CPQ: variants seen among roughly 807,000 people sequenced by gnomAD.
CPQ encodes carboxypeptidase Q.
A neutral mutation model predicts 45.7 loss-of-function variants in CPQ; 37 were observed. The ratio of observed to expected loss-of-function variants is 0.81; its 90% CI spans 0.62 to 1.07. The LOEUF is 1.07. CPQ is among the 50% of genes least tolerant of loss of function. CPQ has a pLI of 0.00. For synonymous variants in CPQ, 186 were observed against 205.8 expected, an observed-to-expected ratio of 0.90 and a Z score of 0.82; for missense variants, 537 against 572.9, an observed-to-expected ratio of 0.94 and a Z score of 0.64.
chr8:97,042,364 ATTC>A (rs1421842255), intron 6 of CPQ, among the ~76,000 whole-genome samples: 2 of 150,330 alleles, frequency 1.3e-5, no homozygotes, highest in African/African-American at 4.9e-5. Context: ...TGTCTATTTG[ATTC>A]TTCTCTCTTT....
chr8:97,013,638 C>T lies in CPQ; in HGVS notation c.962-15765C>T, dbSNP rs375612444. Among the ~76,000 whole-genome samples the T allele has an allele frequency of 1.1e-4, 17 of 152,204 alleles. No homozygotes were observed. In the East Asian group the frequency reaches 2.9e-3, roughly 26 times the overall value. ...GAAAAAGAAAGGACAAACCAGATGG[C>T]ATAAATGGTGTGAGGAAAATCACAG... On this transcript the variant is annotated intron_variant, in intron 5 of 7. Transcript: ENST00000220763.
intron 1 of CPQ, among the ~76,000 whole-genome samples, chr8:96,695,633 C>T (rs1379694430): frequency 3.2e-4 from 48 of 151,960 alleles, no homozygotes; most frequent in African/African-American, 1.1e-3. Flanking sequence ...GGGCAAAGGA[C>T]ATGAACAGAC....
intron 7 of CPQ, among the ~76,000 whole-genome samples, chr8:97,070,084 C>G (rs1810714027): frequency 6.6e-6 from 1 of 152,088 alleles, no homozygotes; most frequent in Non-Finnish European, 1.5e-5. Flanking sequence ...TTAAAAGTAT[C>G]TTGGATGTAC....
intron 1 of CPQ, among the ~76,000 whole-genome samples, chr8:96,673,542 A>T (rs1428184901): frequency 6.6e-6 from 1 of 152,096 alleles, no homozygotes; most frequent in Non-Finnish European, 1.5e-5. Flanking sequence ...TTGTAAAGGG[A>T]GTAGCCTCTG....
chr8:96,962,537 A>G (rs1008751870), intron 4 of CPQ, among the ~76,000 whole-genome samples: 1 of 152,220 alleles, frequency 6.6e-6, no homozygotes, highest in Non-Finnish European at 1.5e-5. Context: ...ATGAAACTGC[A>G]GTTTACTGCA....
In CPQ at chr8:96,943,595, C is replaced by A. The variant is rs1813150819; in HGVS notation, c.850-22340C>A. Among the ~76,000 whole-genome samples the A allele has an allele frequency of 3.9e-5, 6 of 152,218 alleles. No individual in the cohort carries two copies. The South Asian group carries it at 1.2e-3, about 32-fold the overall frequency. On this transcript the variant is annotated intron_variant, in intron 4 of 7. Transcript: ENST00000220763. ...ATAATGTTGCACAGCAAGAAAGTAG[C>A]AGGCTGGTCCTCTTGGTTTATTTAA...
intron 1 of CPQ, among the ~76,000 whole-genome samples, chr8:96,690,152 A>G (rs1344270048): frequency 6.6e-6 from 1 of 152,036 alleles, no homozygotes; most frequent in Non-Finnish European, 1.5e-5. Context: ...TTATATCATT[A>G]TATTTGGTCA....
chr8:97,135,061 A>C (rs1812027418), intron 7 of CPQ, among the ~76,000 whole-genome samples: 1 of 152,200 alleles, frequency 6.6e-6, no homozygotes, highest in Admixed American at 6.5e-5. Context: ...CTGCAAGTCC[A>C]CCAGAGGTGT....
intron 1 of CPQ, among the ~76,000 whole-genome samples, chr8:96,744,564 T>A (rs1006949290): frequency 2.2e-4 from 33 of 152,256 alleles, no homozygotes; most frequent in Non-Finnish European, 7.3e-5. Flanking sequence ...TATGTAGTCA[T>A]CTTTTTTTAT....
At chr8:96,701,113 G>T (rs1254249983) in intron 1 of CPQ, among the ~76,000 whole-genome samples, 1 of 152,152 alleles carries the variant, frequency 6.6e-6, no homozygotes, top group Non-Finnish European at 1.5e-5. Flanking sequence ...CAATAACCTG[G>T]TTATATACAA....
intron 1 of CPQ, among the ~76,000 whole-genome samples, chr8:96,758,072 AT>A (rs1284397021): frequency 6.6e-6 from 1 of 152,214 alleles, no homozygotes; most frequent in Non-Finnish European, 1.5e-5. Flanking sequence ...GTTACATGTA[AT>A]TTGAAGTTGT....
At chr8:97,095,893 A>G (rs1026744058) in intron 7 of CPQ, among the ~76,000 whole-genome samples, 3 of 152,192 alleles carry the variant, frequency 2.0e-5, no homozygotes, top group African/African-American at 4.8e-5. Context: ...TAATCATACT[A>G]TATCATAGTT....
At chr8:96,860,353 T>G (rs1811909988) in intron 3 of CPQ, among the ~76,000 whole-genome samples, 1 of 152,210 alleles carries the variant, frequency 6.6e-6, no homozygotes, top group African/African-American at 2.4e-5. Context: ...TTGAAAAGCT[T>G]AGCTATTATT....
chr8:97,105,684 T>G (rs1004090249), intron 7 of CPQ, among the ~76,000 whole-genome samples: 1 of 152,186 alleles, frequency 6.6e-6, no homozygotes, highest in East Asian at 1.9e-4. Context: ...CCTTAGTATA[T>G]CTAAAAGCAT....
intron 3 of CPQ, among the ~76,000 whole-genome samples, chr8:96,842,925 G>A (rs1010714678): frequency 1.3e-5 from 2 of 152,050 alleles, no homozygotes; most frequent in African/African-American, 4.8e-5. Flanking sequence ...TTTTTCTGAG[G>A]CAGAGTTTTG....
At chr8:97,099,454 T>C (rs1030892653) in intron 7 of CPQ, among the ~76,000 whole-genome samples, 1 of 151,900 alleles carries the variant, frequency 6.6e-6, no homozygotes, top group African/African-American at 2.4e-5. Flanking sequence ...TCTGATCACA[T>C]CCTATCAGGC....
intron 7 of CPQ, among the ~76,000 whole-genome samples, chr8:97,133,738 CT>C (rs1288473875): frequency 1.3e-5 from 2 of 152,166 alleles, no homozygotes; most frequent in Non-Finnish European, 2.9e-5. Flanking sequence ...ATTTTCATCT[CT>C]TTTAGACATC....
chr8:96,684,429 G>A (rs1473362580), intron 1 of CPQ, among the ~76,000 whole-genome samples: 1 of 152,224 alleles, frequency 6.6e-6, no homozygotes, highest in East Asian at 1.9e-4. Flanking sequence ...TGGTGTTGGT[G>A]AGGCATGCCT....
At chr8:96,956,577 T>C (rs1465906809) in intron 4 of CPQ, among the ~76,000 whole-genome samples, 1 of 152,140 alleles carries the variant, frequency 6.6e-6, no homozygotes, top group Non-Finnish European at 1.5e-5. Flanking sequence ...TAGGTATATA[T>C]ACATAATACA....
Sources: gnomAD v4.1 joint callset for allele counts (sites outside exome capture counted in the v4.1 genomes callset) on GRCh38, gnomAD v4.1.1 for gene constraint, MANE v1.5 for transcripts, NCBI Gene and HGNC (gene_info 2026-07-23, HGNC 2026-07-21) for gene names.